The following PFKFB1 variants were observed in gnomAD, a reference collection of about 807,000 sequenced individuals.
The protein encoded by PFKFB1 is 6-phosphofructo-2-kinase/fructose-2,6-bisphosphatase 1.
PFKFB1 carries 34 observed loss-of-function variants against 46.4 expected under a neutral mutation model. The observed-to-expected ratio is 0.73, with a 90% CI of 0.56 to 0.98. The LOEUF (loss-of-function observed/expected upper bound fraction) is 0.98. PFKFB1 is among the 50% of genes least tolerant of loss of function. The pLI is 0.00. For synonymous variants in PFKFB1, 119 were observed against 133.8 expected (o/e 0.89, Z 0.76); for missense variants, 393 against 376.3 (o/e 1.04, Z -0.37).
intron 7 of PFKFB1, 81 bp downstream of exon 7, chrX:54,956,072 G>A: frequency 1.7e-6 from 1 of 600,521 alleles, no homozygotes; most frequent in Non-Finnish European, 2.7e-6. Flanking sequence ...CCCAGCAAGG[G>A]AGGATATTTA....
chrX:54,975,663 C>A (rs7877193), intron 1 of PFKFB1, among the ~76,000 whole-genome samples: 5,233 of 110,952 alleles, frequency 0.047, 327 homozygotes, highest in African/African-American at 0.16. Flanking sequence ...TGTTGGTGGA[C>A]TGAACTTTAC....
chrX:54,989,841 T>G (rs189990748), intron 1 of PFKFB1, among the ~76,000 whole-genome samples: 1 of 112,177 alleles, frequency 8.9e-6, no homozygotes, highest in Admixed American at 9.5e-5. Flanking sequence ...GCATTAATCC[T>G]TTAGTTGCTA....
Position 54,989,604 on chromosome X carries a change from A to G in PFKFB1, c.97+4307T>C, listed in dbSNP as rs192655579. On this transcript the variant is annotated intron_variant, in intron 1 of 13. Coordinates refer to ENST00000375006, the MANE Select transcript of PFKFB1 (RefSeq NM_002625.4). ...TCGAGGTATATAGTACACTAAACACAACTGTAAAACGCACATTCTTTTCAA... is the reference window on the plus strand; with the variant it reads ...TCGAGGTATATAGTACACTAAACACGACTGTAAAACGCACATTCTTTTCAA... 4.5e-5 allele frequency among the ~76,000 whole-genome samples: 5 copies of G among 112,340 alleles called. No homozygotes were observed. The East Asian group carries it at 1.4e-3, about 31-fold the overall frequency.
intron 1 of PFKFB1, among the ~76,000 whole-genome samples, chrX:54,975,259 A>G (rs1464775951): frequency 9.0e-6 from 1 of 111,443 alleles, no homozygotes; most frequent in Non-Finnish European, 1.9e-5. Context: ...TCTTTATATC[A>G]TATACCATGG....
At chrX:54,946,762 C>A (rs1434947659) in intron 9 of PFKFB1, among the ~76,000 whole-genome samples, 1 of 112,060 alleles carries the variant, frequency 8.9e-6, no homozygotes, top group Non-Finnish European at 1.9e-5. Context: ...TCCTTATCTG[C>A]AAAATGTGGA....
At chrX:54,998,715 G>C (rs2146702940), upstream of PFKFB1, among the ~76,000 whole-genome samples, 1 of 112,711 alleles carries the variant, frequency 8.9e-6, no homozygotes, top group South Asian at 3.6e-4. Flanking sequence ...GCAGAATGGG[G>C]AAATTAAAAC....
intron 1 of PFKFB1, among the ~76,000 whole-genome samples, chrX:54,976,803 C>T (rs1020291641): frequency 9.9e-5 from 11 of 111,227 alleles, no homozygotes; most frequent in South Asian, 3.8e-4. Flanking sequence ...GAATACCATA[C>T]GGCAATTAAG....
intron 9 of PFKFB1, among the ~76,000 whole-genome samples, chrX:54,946,148 T>G (rs184415875): frequency 7.2e-4 from 80 of 110,970 alleles, no homozygotes; most frequent in Middle Eastern, 4.6e-3. Context: ...GTCTCTGGTG[T>G]ATATGTGAGA....
At chrX:54,934,253 A>G (rs1307312703) in intron 12 of PFKFB1, among the ~76,000 whole-genome samples, 2 of 112,219 alleles carry the variant, frequency 1.8e-5, no homozygotes, top group Non-Finnish European at 3.8e-5. Context: ...CGGATCCTCC[A>G]AGCCGTGTTA....
At chrX:54,990,573 T>C (rs1231274943) in intron 1 of PFKFB1, among the ~76,000 whole-genome samples, 9 of 111,393 alleles carry the variant, frequency 8.1e-5, no homozygotes, top group Non-Finnish European at 1.9e-5. Flanking sequence ...GGTAAAATAT[T>C]TGAGGAATGG....
chrX:54,962,116 T>C (rs1407733471), intron 2 of PFKFB1, among the ~76,000 whole-genome samples: 1 of 110,609 alleles, frequency 9.0e-6, no homozygotes, highest in East Asian at 2.9e-4. Context: ...TTTGAGAGAA[T>C]TGAGTGAAGA....
At chrX:54,973,987 A>T (rs541480673) in intron 1 of PFKFB1, among the ~76,000 whole-genome samples, 2 of 111,699 alleles carry the variant, frequency 1.8e-5, no homozygotes, top group African/African-American at 6.5e-5. Context: ...CTACATAAAT[A>T]GACATACTGT....
chrX:54,973,719 T>G (rs1934753248), intron 1 of PFKFB1, among the ~76,000 whole-genome samples: 1 of 111,409 alleles, frequency 9.0e-6, no homozygotes, highest in Non-Finnish European at 1.9e-5. Flanking sequence ...TTGTTATAAT[T>G]TCTGTTCTTT....
In PFKFB1 at chrX:54,960,924, G is replaced by A; in HGVS notation, c.224-7C>T. ...TACTGGCCTAAATTAAACACTGAAA[G>A]CAGGGAGTGCCAGTGAAGAGGTTGG... is the stretch of plus-strand genomic sequence containing the variant. On this transcript the variant is annotated splice_region_variant and splice_polypyrimidine_tract_variant and intron_variant, in intron 2 of 13. Coordinates refer to ENST00000375006, the MANE Select transcript of PFKFB1 (RefSeq NM_002625.4). 3 of 1,136,197 alleles carry A rather than the reference G, an allele frequency of 2.6e-6. No individual in the cohort carries two copies. Among genetic ancestry groups the A allele is most frequent in the Non-Finnish European group, 3.6e-6 (3 of 832,139 alleles). 93.6% of individuals were successfully genotyped at this position (1,136,197 alleles called of 1,213,427 possible).
intron 1 of PFKFB1, among the ~76,000 whole-genome samples, chrX:54,984,915 C>T (rs887366785): frequency 1.8e-5 from 2 of 110,521 alleles, no homozygotes; most frequent in African/African-American, 6.6e-5. Context: ...ACCCTCATTC[C>T]ATCTTGCTCA....
intron 1 of PFKFB1, among the ~76,000 whole-genome samples, chrX:54,964,466 C>A: frequency 8.9e-6 from 1 of 112,006 alleles, no homozygotes; most frequent in Non-Finnish European, 1.9e-5. Flanking sequence ...ATCATTAGGA[C>A]CAGAGTAAGT....
chrX:54,989,888 G>C (rs1602229510), intron 1 of PFKFB1, among the ~76,000 whole-genome samples: 2 of 111,624 alleles, frequency 1.8e-5, no homozygotes, highest in South Asian at 3.8e-4. Flanking sequence ...CCTGGGAAAG[G>C]AATTGAGGTG....
intron 6 of PFKFB1, 145 bp from the exon 7 acceptor site, chrX:54,956,419 G>C: frequency 1.4e-6 from 1 of 709,940 alleles, no homozygotes; most frequent in South Asian, 2.7e-5. Flanking sequence ...TCTTGCCCAA[G>C]TTTACAAAAA....
chrX:54,974,572 G>C (rs1346140925), intron 1 of PFKFB1, among the ~76,000 whole-genome samples: 1 of 111,546 alleles, frequency 9.0e-6, no homozygotes, highest in African/African-American at 3.3e-5. Context: ...GAGCCCAAAA[G>C]CAAATGCAAC....
Sources: gnomAD v4.1 joint callset for allele counts (sites outside exome capture counted in the v4.1 genomes callset) on GRCh38, gnomAD v4.1.1 for gene constraint, MANE v1.5 for transcripts, NCBI Gene and HGNC (gene_info 2026-07-23, HGNC 2026-07-21) for gene names.